ZNF704: variants seen among roughly 807,000 people sequenced by gnomAD.
The protein encoded by ZNF704 is glucocorticoid induced gene 1.
Under a neutral mutation model 44.7 loss-of-function variants are expected in ZNF704, and 10 were observed. The ratio of observed to expected loss-of-function variants is 0.22; its 90% confidence interval spans 0.14 to 0.38. The LOEUF (loss-of-function observed/expected upper bound fraction) is 0.38, where lower values mean the gene tolerates loss of function less well. Among genes scored for constraint, ZNF704 ranks in the 10% least tolerant of loss-of-function variants. ZNF704 has a pLI of 1.00. For missense variants in ZNF704, 390 were observed against 545.5 expected (o/e 0.71, Z 2.84); for synonymous variants, 211 against 207.6 (o/e 1.02, Z -0.14).
intron 2 of ZNF704, among the ~76,000 whole-genome samples, chr8:80,784,727 C>G (rs144716740): frequency 5.3e-5 from 8 of 152,276 alleles, no homozygotes; most frequent in Admixed American, 2.6e-4. Context: ...TTTTGCAGAG[C>G]AGAAGTTTTT....
rs972649782 is a variant in ZNF704 at position 80,628,549 on chromosome 8, C to A, written c.*12817G>T. Reference sequence around the variant, plus strand: ...GCATTTAAATTCATGTGTGTGGACACTGTAGAAGTCAAAATGGTCTTTTGA... The same window carrying A: ...GCATTTAAATTCATGTGTGTGGACAATGTAGAAGTCAAAATGGTCTTTTGA... On this transcript the variant is annotated 3_prime_UTR_variant, in exon 9 of 9. Transcript: ENST00000327835. 5 of 152,186 alleles carry A rather than the reference C, an allele frequency of 3.3e-5. No individual in the cohort carries two copies. The highest frequency in any genetic ancestry group is 1.3e-4 in the Admixed American group (2 of 15,282). 9.4% of individuals were successfully genotyped at this position (152,186 alleles called of 1,614,324 possible).
chr8:80,780,450 G>C (rs1807504200), intron 2 of ZNF704, among the ~76,000 whole-genome samples: 1 of 152,082 alleles, frequency 6.6e-6, no homozygotes, highest in South Asian at 2.1e-4. Flanking sequence ...TATTGAGTTG[G>C]ATGGTGGCCT....
At chr8:80,755,654 C>T (rs954047532) in intron 2 of ZNF704, among the ~76,000 whole-genome samples, 1 of 152,186 alleles carries the variant, frequency 6.6e-6, no homozygotes, top group Non-Finnish European at 1.5e-5. Flanking sequence ...GCTTCCCTGC[C>T]TCCCCTGGTG....
chr8:80,855,544 CACTT>C (rs1331543603), intron 1 of ZNF704, among the ~76,000 whole-genome samples: 1 of 152,124 alleles, frequency 6.6e-6, no homozygotes, highest in Non-Finnish European at 1.5e-5. Context: ...CACATGTTCT[CACTT>C]ATAAGTGAGA....
chr8:80,775,745 T>A (rs1460446315), intron 2 of ZNF704, among the ~76,000 whole-genome samples: 1 of 152,186 alleles, frequency 6.6e-6, no homozygotes, highest in East Asian at 1.9e-4. Context: ...ATACAGTTGT[T>A]TGAATACTTA....
intron 2 of ZNF704, among the ~76,000 whole-genome samples, chr8:80,795,802 A>G (rs1807791434): frequency 6.6e-6 from 1 of 152,208 alleles, no homozygotes; most frequent in African/African-American, 2.4e-5. Flanking sequence ...TTTATGATAA[A>G]TATGAAATCA....
At position 80,665,002 on chromosome 8, in the gene ZNF704, G is replaced by A; in HGVS notation, c.740C>T (p.Ala247Val). Reference protein sequence around the residue: ...TEIKLNTDSVADGLSSLAPVS... With the variant: ...TEIKLNTDSVVDGLSSLAPVS... ...CGGGGCCAGGCTGCTCAGCCCGTCTGCCACTGAGTCTGTGTTGAGCTTGAT... is the reference window on the plus strand; with the variant it reads ...CGGGGCCAGGCTGCTCAGCCCGTCTACCACTGAGTCTGTGTTGAGCTTGAT... The change falls in exon 6 of 9, where the codon GCA (alanine) becomes GTA (valine). Residue 247 changes from alanine to valine, a missense_variant. Coordinates refer to ENST00000327835, the MANE Select transcript of ZNF704 (RefSeq NM_001033723.3). 1 of 1,614,222 alleles carries A rather than the reference G, an allele frequency of 6.2e-7. No individual in the cohort carries two copies. Among genetic ancestry groups the A allele is most frequent in the Non-Finnish European group, 8.5e-7 (1 of 1,180,026 alleles).
rs548945177 is a variant in ZNF704 at position 80,806,245 on chromosome 8, C to A, written c.221+15129G>T. On this transcript the variant is annotated intron_variant, in intron 2 of 8. Coordinates refer to ENST00000327835, the MANE Select transcript of ZNF704 (RefSeq NM_001033723.3). ...CCAAAGTCTTAATTTTTTTAAAAAA[C>A]CAATTTTCCCATCTTTCAAATAAGG... is the stretch of plus-strand genomic sequence containing the variant. 9.9e-5 allele frequency among the ~76,000 whole-genome samples: 15 copies of A among 152,106 alleles called. 1 individual carries two copies. Among genetic ancestry groups the A allele is most frequent in the South Asian group, 4.1e-4 (2 of 4,822 alleles).
intron 1 of ZNF704, among the ~76,000 whole-genome samples, chr8:80,859,306 C>T (rs1374086578): frequency 6.6e-6 from 1 of 152,170 alleles, no homozygotes; most frequent in Non-Finnish European, 1.5e-5. Flanking sequence ...CAAAAAGCCA[C>T]TACTTTGTGT....
chr8:80,817,283 G>A (rs1808191799), intron 2 of ZNF704, among the ~76,000 whole-genome samples: 1 of 152,200 alleles, frequency 6.6e-6, no homozygotes, highest in African/African-American at 2.4e-5. Flanking sequence ...AACTGACCAA[G>A]GAAGGGCCCA....
chr8:80,703,089 A>G (rs1389895427), intron 2 of ZNF704, among the ~76,000 whole-genome samples: 9 of 152,100 alleles, frequency 5.9e-5, no homozygotes, highest in Admixed American at 5.2e-4. Flanking sequence ...CTTAACTCCA[A>G]TGCAGGAAAC....
chr8:80,842,466 C>G (rs7827991), intron 1 of ZNF704, among the ~76,000 whole-genome samples: 2 of 151,904 alleles, frequency 1.3e-5, no homozygotes, highest in East Asian at 3.8e-4. Flanking sequence ...ACATGGGCCC[C>G]CTGTGTAAAA....
intron 2 of ZNF704, among the ~76,000 whole-genome samples, chr8:80,771,190 C>A (rs1807313581): frequency 6.6e-6 from 1 of 152,044 alleles, no homozygotes. Flanking sequence ...GTTTTACTTT[C>A]TTTGACTTTC....
chr8:80,852,047 G>A (rs2130003500), intron 1 of ZNF704, among the ~76,000 whole-genome samples: 1 of 152,278 alleles, frequency 6.6e-6, no homozygotes, highest in East Asian at 1.9e-4. Context: ...AATCTAGAGG[G>A]TAATCCCACT....
rs751190816 is a variant in ZNF704, at chr8:80,643,098, C to A, written c.1064G>T (p.Gly355Val). The A allele has an allele frequency of 2.5e-6, 4 of 1,606,436 alleles. No homozygotes were observed. In the South Asian group the frequency reaches 4.5e-5, roughly 18 times the overall value. The part of the protein sequence containing the change: ...VSPTHHPVGT[G>V]EQRQHAHTVL... Reference sequence around the variant, plus strand: ...CGTGTGCGCATGCTGTCTCTGCTCTCCTGTGCCCACCGGATGATGTGTGGG... The same window carrying A: ...CGTGTGCGCATGCTGTCTCTGCTCTACTGTGCCCACCGGATGATGTGTGGG... Residue 355 changes from glycine (G) to valine (V), a missense_variant, in exon 8 of 9, where the codon GGA becomes GTA. Physicochemically the swap from Gly to Val is moderately radical, Grantham distance 109. Coordinates refer to ENST00000327835, the MANE Select transcript of ZNF704 (RefSeq NM_001033723.3).
the ZNF704 span, among the ~76,000 whole-genome samples, chr8:80,883,074 CA>C: frequency 0.021 from 889 of 43,188 alleles, 16 homozygotes; most frequent in Admixed American, 0.11. Flanking sequence ...CCTGTCTCTA[CA>C]AAAAAAAAAA....
chr8:80,873,908 G>C (rs1335786229), intron 1 of ZNF704, among the ~76,000 whole-genome samples: 1 of 146,282 alleles, frequency 6.8e-6, no homozygotes, highest in African/African-American at 2.5e-5. Flanking sequence ...CGCCGGGGCC[G>C]GGCCCGGGAC....
chr8:80,830,303 A>C (rs911759211), intron 1 of ZNF704, among the ~76,000 whole-genome samples: 3 of 152,226 alleles, frequency 2.0e-5, no homozygotes, highest in Non-Finnish European at 4.4e-5. Context: ...CAGCAGTAGA[A>C]GGTGACAAGG....
chr8:80,852,069 A>C (rs1241022370), intron 1 of ZNF704, among the ~76,000 whole-genome samples: 1 of 152,196 alleles, frequency 6.6e-6, no homozygotes, highest in Non-Finnish European at 1.5e-5. Context: ...ACAGATCAAC[A>C]GCTAAGAAAG....
Sources: gnomAD v4.1 joint callset for allele counts (sites outside exome capture counted in the v4.1 genomes callset) on GRCh38, gnomAD v4.1.1 for gene constraint, MANE v1.5 for transcripts, NCBI Gene and HGNC (gene_info 2026-07-23, HGNC 2026-07-21) for gene names.